The following FOXO3 variants were observed in gnomAD, a reference collection of about 807,000 sequenced individuals.
The protein encoded by FOXO3 is forkhead box O3, also known as forkhead box protein O3.
In FOXO3, 4 loss-of-function variants were observed where a neutral mutation model predicts 41.9. The observed-to-expected ratio is 0.10, with a 90% CI of 0.05 to 0.22. The LOEUF is 0.22. Among genes scored for constraint, FOXO3 ranks in the 10% least tolerant of loss-of-function variants. The pLI, the probability that FOXO3 is intolerant of heterozygous loss-of-function variation, is 1.00. For missense variants in FOXO3, 534 were observed against 906.8 expected, an observed-to-expected ratio of 0.59 and a Z score of 5.28; for synonymous variants, 318 against 389.3, an observed-to-expected ratio of 0.82 and a Z score of 2.16.
At chr6:108,633,628 C>T (rs1778035734) in intron 1 of FOXO3, among the ~76,000 whole-genome samples, 1 of 152,104 alleles carries the variant, frequency 6.6e-6, no homozygotes, top group African/African-American at 2.4e-5. Context: ...CCCTTTTGTG[C>T]ATGCAGTACA....
intron 1 of FOXO3, among the ~76,000 whole-genome samples, chr6:108,575,147 A>T (rs1422182271): frequency 2.6e-5 from 4 of 152,236 alleles, no homozygotes; most frequent in Non-Finnish European, 5.9e-5. Flanking sequence ...TTACTACATT[A>T]AAAAGATCAA....
chr6:108,560,944 C>A lies in FOXO3; in HGVS notation c.-265C>A. On this transcript the variant is annotated 5_prime_UTR_variant, in exon 1 of 3. Coordinates refer to ENST00000406360, the MANE Select transcript of FOXO3 (RefSeq NM_001455.4). ...TGTCTGCTGCGCCAGGTTCGCTGGC[C>A]GCACGTCTTCAGGTCCTCCTGTTCC... The A allele has an allele frequency of 1.5e-6, 2 of 1,300,250 alleles. No individual in the cohort carries two copies. The highest frequency in any genetic ancestry group is 3.2e-5 in the East Asian group (1 of 31,700). The allele number at this position is 1,300,250 out of a possible 1,614,324, so 80.5% of individuals were successfully genotyped here. A position where few individuals can be genotyped will look rare whatever the true frequency, so the allele number is the denominator to read the frequency against.
In FOXO3 at chr6:108,681,461, C is replaced by A. The variant is rs2128394427; in HGVS notation, c.*1669C>A. ...GCACCAACACAGACGTGCCACCCAA[C>A]CCCCTGCACACACCACCGGCCACCA... On this transcript the variant is annotated 3_prime_UTR_variant, in exon 3 of 3. Transcript: ENST00000406360. The A allele has an allele frequency of 6.6e-6, 1 of 151,676 alleles. No individual in the cohort carries two copies. The highest frequency in any genetic ancestry group is 2.4e-5 in the African/African-American group (1 of 41,276). 9.4% of individuals were successfully genotyped at this position (151,676 alleles called of 1,614,324 possible). A position where few individuals can be genotyped will look rare whatever the true frequency, so the allele number is the denominator to read the frequency against.
At chr6:108,590,126 T>G (rs994265205) in intron 1 of FOXO3, among the ~76,000 whole-genome samples, 4 of 152,050 alleles carry the variant, frequency 2.6e-5, no homozygotes, top group Non-Finnish European at 4.4e-5. Context: ...TTAATAGGAT[T>G]TAATTTAAAT....
chr6:108,574,118 A>G (rs1220809699), intron 1 of FOXO3, among the ~76,000 whole-genome samples: 1 of 149,400 alleles, frequency 6.7e-6, no homozygotes, highest in Admixed American at 6.7e-5. Context: ...ACGCCACTGC[A>G]CTTCAGCCTG....
rs1796593482 is a variant in FOXO3, at chr6:108,594,390, A to G, written c.621+32561A>G. Among the ~76,000 whole-genome samples, 3 of 152,236 alleles carry G rather than the reference A, an allele frequency of 2.0e-5. No homozygotes were observed. In the South Asian group the frequency reaches 6.2e-4, roughly 31 times the overall value. ...GTTTGGAAGCCAAATAAAGAAAACA[A>G]AACTGTGAAGTTAACATAGTAGTTT... On this transcript the variant is annotated intron_variant, in intron 1 of 2. Transcript: ENST00000406360.
intron 1 of FOXO3, among the ~76,000 whole-genome samples, chr6:108,625,410 A>C (rs1030292119): frequency 1.3e-5 from 2 of 152,196 alleles, no homozygotes; most frequent in African/African-American, 4.8e-5. Context: ...ATTGTTTAAG[A>C]TTGAAAACTA....
chr6:108,562,856 AT>A, intron 1 of FOXO3, among the ~76,000 whole-genome samples: 1 of 152,284 alleles, frequency 6.6e-6, no homozygotes, highest in Non-Finnish European at 1.5e-5. Context: ...GGCTGCTGAT[AT>A]CCAGCTGCTT....
intron 2 of FOXO3, among the ~76,000 whole-genome samples, chr6:108,668,119 G>A (rs1302432795): frequency 2.0e-5 from 3 of 152,132 alleles, no homozygotes. Context: ...TAACTTTCTT[G>A]GTTTAACTTC....
At chr6:108,623,425 T>C (rs999497087) in intron 1 of FOXO3, among the ~76,000 whole-genome samples, 1 of 152,138 alleles carries the variant, frequency 6.6e-6, no homozygotes, top group African/African-American at 2.4e-5. Flanking sequence ...GTGGAGAAGC[T>C]TGCCACCCCC....
At chr6:108,672,448 C>T (rs929813399) in intron 2 of FOXO3, among the ~76,000 whole-genome samples, 2 of 152,192 alleles carry the variant, frequency 1.3e-5, no homozygotes, top group Non-Finnish European at 1.5e-5. Context: ...TAAAATACAT[C>T]GCCCTGTAGA....
intron 1 of FOXO3, among the ~76,000 whole-genome samples, chr6:108,614,586 A>G (rs1316874855): frequency 1.3e-5 from 2 of 152,114 alleles, no homozygotes; most frequent in East Asian, 1.9e-4. Context: ...TTTTCCTTGT[A>G]CTTCTAATCT....
At chr6:108,626,136 A>G (rs1777809101) in intron 1 of FOXO3, among the ~76,000 whole-genome samples, 4 of 152,224 alleles carry the variant, frequency 2.6e-5, no homozygotes. Context: ...TGTCCAGTAT[A>G]CACTTTTTAA....
Position 108,682,406 on chromosome 6 carries a change from T to C in FOXO3, c.*2614T>C, listed in dbSNP as rs1770897079. ...TTTTGTTTTGTTTTGTTTTTTCTTT[T>C]TCAAGTAACTAAAACAGCATCTACA... On this transcript the variant is annotated 3_prime_UTR_variant, in exon 3 of 3. Coordinates refer to ENST00000406360, the MANE Select transcript of FOXO3 (RefSeq NM_001455.4). 1 of 152,490 alleles carries C rather than the reference T, an allele frequency of 6.6e-6. No homozygotes were observed. Among genetic ancestry groups the C allele is most frequent in the African/African-American group, 2.4e-5 (1 of 41,464 alleles). The allele number at this position is 152,490 out of a possible 1,614,324, so 9.4% of individuals were successfully genotyped here. A position where few individuals can be genotyped will look rare whatever the true frequency, so the allele number is the denominator to read the frequency against.
At chr6:108,675,984 A>G (rs968742457) in intron 2 of FOXO3, among the ~76,000 whole-genome samples, 1 of 152,200 alleles carries the variant, frequency 6.6e-6, no homozygotes, top group African/African-American at 2.4e-5. Context: ...TTCTTAGAGT[A>G]TCATGTGATT....
At chr6:108,616,283 G>T (rs1240776515) in intron 1 of FOXO3, among the ~76,000 whole-genome samples, 1 of 146,544 alleles carries the variant, frequency 6.8e-6, no homozygotes, top group Non-Finnish European at 1.5e-5. Flanking sequence ...TCCTACCTCA[G>T]CCTCCCGAGT....
chr6:108,610,854 A>C (rs992690434), intron 1 of FOXO3, among the ~76,000 whole-genome samples: 2 of 152,236 alleles, frequency 1.3e-5, no homozygotes, highest in Non-Finnish European at 2.9e-5. Flanking sequence ...TGTGGAAAAC[A>C]ATCGTAGTTA....
chr6:108,601,696 A>T (rs1208608930), intron 1 of FOXO3, among the ~76,000 whole-genome samples: 2 of 152,162 alleles, frequency 1.3e-5, no homozygotes, highest in African/African-American at 4.8e-5. Flanking sequence ...CATTTTTATA[A>T]TTTTGTCATT....
chr6:108,624,146 G>A (rs952634567), intron 1 of FOXO3, among the ~76,000 whole-genome samples: 2 of 152,122 alleles, frequency 1.3e-5, no homozygotes, highest in Admixed American at 1.3e-4. Flanking sequence ...GACCTGCCTA[G>A]TGAGCAAGGT....
Sources: gnomAD v4.1 joint callset for allele counts (sites outside exome capture counted in the v4.1 genomes callset) on GRCh38, gnomAD v4.1.1 for gene constraint, MANE v1.5 for transcripts, NCBI Gene and HGNC (gene_info 2026-07-23, HGNC 2026-07-21) for gene names.